HTR3B: variants seen among roughly 807,000 people sequenced by gnomAD.
The protein encoded by HTR3B is 5-hydroxytryptamine receptor 3B, also known as 5-hydroxytryptamine (serotonin) receptor 3B, ionotropic.
HTR3B carries 44 observed loss-of-function variants against 42.8 expected under a neutral mutation model. The observed-to-expected ratio is 1.03, with a 90% CI of 0.81 to 1.32. The LOEUF is 1.32. HTR3B is among the 40% of genes most tolerant of loss of function. HTR3B has a pLI of 0.00. For missense variants in HTR3B, 527 were observed against 536.5 expected (o/e 0.98, Z 0.17); for synonymous variants, 203 against 209.0 (o/e 0.97, Z 0.25).
intron 3 of HTR3B, 134 bp from the exon 4 acceptor site, chr11:113,931,624 G>T: frequency 1.5e-6 from 1 of 677,104 alleles, no homozygotes; most frequent in South Asian, 1.9e-5. Flanking sequence ...GATTCAGATG[G>T]GAAGTCCTTT....
chr11:113,928,210 A>T (rs1949995958), intron 2 of HTR3B, among the ~76,000 whole-genome samples: 1 of 152,112 alleles, frequency 6.6e-6, no homozygotes, highest in South Asian at 2.1e-4. Context: ...AAAGGACATG[A>T]TCTCATTCTT....
chr11:113,936,163 G>A (rs181876148), intron 6 of HTR3B, among the ~76,000 whole-genome samples: 2 of 152,282 alleles, frequency 1.3e-5, no homozygotes, highest in Admixed American at 6.5e-5. Context: ...ACAGCAGGGT[G>A]AGAGCATTTG....
intron 8 of HTR3B, 46 bp from the exon 9 acceptor site, chr11:113,945,856 C>T (rs761678281): frequency 6.4e-6 from 9 of 1,402,218 alleles, no homozygotes; most frequent in Admixed American, 1.7e-5. Flanking sequence ...CCAGGTGGGT[C>T]TTGGTAGTCC....
intron 2 of HTR3B, among the ~76,000 whole-genome samples, chr11:113,915,148 ATTTTATTTT>A (rs1271551724): frequency 1.3e-5 from 2 of 151,380 alleles, no homozygotes; most frequent in East Asian, 3.9e-4. Flanking sequence ...AGTTTTACCA[ATTTTATTTT>A]TTTCAAAGAG....
chr11:113,929,944 G>A (rs1336726179), intron 2 of HTR3B, among the ~76,000 whole-genome samples: 1 of 152,082 alleles, frequency 6.6e-6, no homozygotes, highest in Non-Finnish European at 1.5e-5. Context: ...GTGTTAGCCA[G>A]GATGGTCTCC....
intron 2 of HTR3B, among the ~76,000 whole-genome samples, chr11:113,925,743 A>G (rs570331457): frequency 1.3e-5 from 2 of 152,022 alleles, no homozygotes; most frequent in South Asian, 4.2e-4. Flanking sequence ...GAAAGAAATG[A>G]AAAAAAATGA....
At chr11:113,924,034 A>T (rs1949943054) in intron 2 of HTR3B, among the ~76,000 whole-genome samples, 1 of 152,202 alleles carries the variant, frequency 6.6e-6, no homozygotes, top group African/African-American at 2.4e-5. Flanking sequence ...GTGAAATGAA[A>T]CATGAAAACA....
chr11:113,945,278 G>T (rs965931680), intron 8 of HTR3B, among the ~76,000 whole-genome samples: 1 of 151,982 alleles, frequency 6.6e-6, no homozygotes, highest in Non-Finnish European at 1.5e-5. Flanking sequence ...AGGACTATAG[G>T]CGTGTGCCAC....
At position 113,945,885 on chromosome 11, in the gene HTR3B, T is replaced by G; in HGVS notation, c.1091-17T>G. The G allele has an allele frequency of 6.3e-7, 1 of 1,597,752 alleles. No homozygotes were observed. Among genetic ancestry groups the G allele is most frequent in the Non-Finnish European group, 8.6e-7 (1 of 1,165,190 alleles). ...GTAGTCCCTGGCTCACCCAGGGTGTTTTCCTCCATCACACAGAGTCCTCGC... is the reference window on the plus strand; with the variant it reads ...GTAGTCCCTGGCTCACCCAGGGTGTGTTCCTCCATCACACAGAGTCCTCGC... On this transcript the variant is annotated splice_polypyrimidine_tract_variant and intron_variant, in intron 8 of 8. Coordinates refer to ENST00000260191, the MANE Select transcript of HTR3B (RefSeq NM_006028.5).
intron 6 of HTR3B, among the ~76,000 whole-genome samples, chr11:113,934,015 C>A (rs374133365): frequency 6.6e-6 from 1 of 152,124 alleles, no homozygotes; most frequent in Non-Finnish European, 1.5e-5. Flanking sequence ...TAAAAATATA[C>A]CTTTGGAATA....
chr11:113,913,321 T>G (rs972999379), intron 2 of HTR3B, among the ~76,000 whole-genome samples: 2 of 146,758 alleles, frequency 1.4e-5, no homozygotes, highest in African/African-American at 5.0e-5. Context: ...GTGACTGGGA[T>G]TACAGGTGCC....
chr11:113,918,778 T>C (rs902144897), intron 2 of HTR3B, among the ~76,000 whole-genome samples: 23 of 152,068 alleles, frequency 1.5e-4, no homozygotes, highest in Non-Finnish European at 2.9e-4. Context: ...TGCCTCAGCC[T>C]CCTGAATAGC....
chr11:113,900,155 G>A (rs1949687761), upstream of HTR3B, among the ~76,000 whole-genome samples: 2 of 152,038 alleles, frequency 1.3e-5, no homozygotes, highest in South Asian at 4.2e-4. Flanking sequence ...CTACTCGGGA[G>A]GCTGAGGCAG....
intron 2 of HTR3B, among the ~76,000 whole-genome samples, chr11:113,919,682 G>T (rs1284005708): frequency 2.6e-5 from 4 of 151,978 alleles, no homozygotes. Flanking sequence ...TACAAAATTA[G>T]CCGGGCATGG....
intron 8 of HTR3B, among the ~76,000 whole-genome samples, chr11:113,945,359 T>C (rs567566062): frequency 6.6e-6 from 1 of 152,304 alleles, no homozygotes; most frequent in African/African-American, 2.4e-5. Flanking sequence ...GGTCTCGAAC[T>C]CCTGACCTCA....
intron 2 of HTR3B, among the ~76,000 whole-genome samples, chr11:113,928,370 C>G (rs1311405710): frequency 6.6e-6 from 1 of 152,148 alleles, no homozygotes; most frequent in Admixed American, 6.5e-5. Context: ...GATAACTTTC[C>G]CTTCCTTCAC....
upstream of HTR3B, among the ~76,000 whole-genome samples, chr11:113,902,973 A>G (rs1361420012): frequency 6.6e-6 from 1 of 152,010 alleles, no homozygotes; most frequent in Non-Finnish European, 1.5e-5. Flanking sequence ...AGCTCAAGTG[A>G]TCCTCCTGCC....
At chr11:113,899,301 G>T in the HTR3B span, among the ~76,000 whole-genome samples, 47 of 152,316 alleles carry the variant, frequency 3.1e-4, no homozygotes, top group African/African-American at 1.1e-3. Flanking sequence ...TGGACTTGAG[G>T]TGCCTCCTCT....
rs1950201335 is a variant in HTR3B, at chr11:113,949,078, C to T, written c.*2941C>T. Among the ~76,000 whole-genome samples, 1 of 152,170 alleles carries T rather than the reference C, an allele frequency of 6.6e-6. No homozygotes were observed. The highest frequency in any genetic ancestry group is 2.1e-4 in the South Asian group (1 of 4,834). ...AAAGATAAGACCTGCTTGCTATCAA[C>T]AGATGGACTCCAGTCTTGAGTTTTT... On this transcript the variant is annotated 3_prime_UTR_variant, in exon 9 of 9. Transcript: ENST00000260191.
Sources: gnomAD v4.1 joint callset for allele counts (sites outside exome capture counted in the v4.1 genomes callset) on GRCh38, gnomAD v4.1.1 for gene constraint, MANE v1.5 for transcripts, NCBI Gene and HGNC (gene_info 2026-07-23, HGNC 2026-07-21) for gene names.